Variants in LRP1B observed in about 807,000 individuals in gnomAD.
LRP1B encodes low-density lipoprotein receptor-related protein 1B.
A neutral mutation model predicts 556.6 loss-of-function variants in LRP1B; 217 were observed. That is an observed-to-expected ratio of 0.39 (90% CI 0.35 to 0.44). LRP1B has a LOEUF of 0.44. Among genes scored for constraint, LRP1B ranks in the 20% least tolerant of loss-of-function variants. The pLI is 1.00. For missense variants in LRP1B, 5,053 were observed against 5,620.8 expected (o/e 0.90, Z 3.23); for synonymous variants, 2,047 against 1,865.8 (o/e 1.10, Z -2.50).
At chr2:140,541,317 G>A (rs1680125788) in intron 44 of LRP1B, among the ~76,000 whole-genome samples, 1 of 151,988 alleles carries the variant, frequency 6.6e-6, no homozygotes, top group Non-Finnish European at 1.5e-5. Flanking sequence ...TGATACCACG[G>A]CATCAAATGA....
intron 1 of LRP1B, among the ~76,000 whole-genome samples, chr2:142,075,029 A>C (rs1705448572): frequency 1.3e-5 from 2 of 152,114 alleles, no homozygotes; most frequent in Admixed American, 1.3e-4. Context: ...TCACCATTCC[A>C]AAAGCTTAAA....
chr2:140,411,821 C>G (rs1024912931), intron 66 of LRP1B, among the ~76,000 whole-genome samples: 4 of 152,064 alleles, frequency 2.6e-5, no homozygotes, highest in Non-Finnish European at 2.9e-5. Context: ...CTCAGTTAAC[C>G]TTAACTATCT....
intron 2 of LRP1B, among the ~76,000 whole-genome samples, chr2:141,535,086 C>T (rs1250383792): frequency 6.6e-6 from 1 of 152,158 alleles, no homozygotes; most frequent in Non-Finnish European, 1.5e-5. Context: ...ACTTCCCAAT[C>T]ACTTTTGTGA....
At chr2:141,544,788 C>A (rs1685494673) in intron 2 of LRP1B, among the ~76,000 whole-genome samples, 1 of 151,976 alleles carries the variant, frequency 6.6e-6, no homozygotes, top group South Asian at 2.1e-4. Context: ...ACCTCAGCCT[C>A]CAGGGTAGCT....
chr2:141,444,114 T>C (rs1022180292), intron 3 of LRP1B, among the ~76,000 whole-genome samples: 6 of 152,158 alleles, frequency 3.9e-5, no homozygotes, highest in African/African-American at 1.2e-4. Context: ...CCTTGAGCAG[T>C]GGTTTGTTTT....
intron 23 of LRP1B, among the ~76,000 whole-genome samples, chr2:140,891,559 A>T (rs1693799788): frequency 6.6e-6 from 1 of 152,170 alleles, no homozygotes; most frequent in African/African-American, 2.4e-5. Context: ...CTGTCCCATC[A>T]TCAGATACAT....
intron 40 of LRP1B, 136 bp from the exon 41 acceptor site, chr2:140,700,757 T>TA (rs66521227): frequency 0.17 from 144,866 of 855,854 alleles, 14,422 homozygotes; most frequent in African/African-American, 0.34. Flanking sequence ...AGCTGGTCAA[T>TA]AAAAAATTAA....
chr2:140,732,035 T>C (rs1297956377), intron 35 of LRP1B, among the ~76,000 whole-genome samples: 1 of 152,124 alleles, frequency 6.6e-6, no homozygotes, highest in Non-Finnish European at 1.5e-5. Flanking sequence ...CCAAAAGATA[T>C]AGTATTGTCT....
At chr2:141,933,629 G>A (rs1298012663) in intron 1 of LRP1B, among the ~76,000 whole-genome samples, 3 of 152,084 alleles carry the variant, frequency 2.0e-5, no homozygotes, top group East Asian at 1.9e-4. Context: ...TCACTAGCCT[G>A]CTCTGGCTAC....
At chr2:141,917,651 G>T (rs923681434) in intron 1 of LRP1B, among the ~76,000 whole-genome samples, 2 of 152,194 alleles carry the variant, frequency 1.3e-5, no homozygotes, top group East Asian at 3.8e-4. Context: ...ATTAGTCAAA[G>T]ATCCAATTCG....
At chr2:141,432,950 A>G (rs187913410) in intron 3 of LRP1B, among the ~76,000 whole-genome samples, 45 of 151,996 alleles carry the variant, frequency 3.0e-4, no homozygotes, top group African/African-American at 9.9e-4. Context: ...TTAGTTTGCT[A>G]CCATTTTCTG....
At chr2:142,047,550 G>A (rs1704304564) in intron 1 of LRP1B, among the ~76,000 whole-genome samples, 1 of 151,604 alleles carries the variant, frequency 6.6e-6, no homozygotes, top group Non-Finnish European at 1.5e-5. Flanking sequence ...TTTAATGTCA[G>A]AAATAAACTC....
In LRP1B at chr2:141,211,350, G is replaced by A. The variant is rs192516022; in HGVS notation, c.850+17833C>T. Among the ~76,000 whole-genome samples, 151 of 150,826 alleles carry A rather than the reference G, an allele frequency of 1.0e-3. 1 individual carries two copies. The highest frequency in any genetic ancestry group is 1.6e-3 in the Non-Finnish European group (111 of 67,788). On this transcript the variant is annotated intron_variant, in intron 6 of 90. Transcript: ENST00000389484. ...AAACTAAGCATTCAGGGCCGGGCAC[G>A]GTGCCTCATGCCTGTAATCCCAGCA... is the stretch of plus-strand genomic sequence containing the variant.
intron 83 of LRP1B, among the ~76,000 whole-genome samples, chr2:140,301,352 C>T (rs191563747): frequency 1.4e-4 from 21 of 152,018 alleles, no homozygotes; most frequent in Admixed American, 4.6e-4. Flanking sequence ...AGCTTCTAAA[C>T]ATGCTCAATT....
intron 3 of LRP1B, among the ~76,000 whole-genome samples, chr2:141,308,873 A>C (rs1476451249): frequency 1.3e-5 from 2 of 152,146 alleles, no homozygotes; most frequent in Non-Finnish European, 2.9e-5. Context: ...ACTAAAATAA[A>C]TTTTATTTAT....
chr2:141,722,733 G>GATAGATAA (rs1158672848), intron 2 of LRP1B, among the ~76,000 whole-genome samples: 12 of 80,634 alleles, frequency 1.5e-4, no homozygotes, highest in African/African-American at 4.7e-4. Flanking sequence ...TAGATACATA[G>GATAGATAA]ATAGATAGAT....
chr2:140,867,362 C>A (rs986717618), intron 27 of LRP1B, among the ~76,000 whole-genome samples: 2 of 151,706 alleles, frequency 1.3e-5, no homozygotes, highest in African/African-American at 2.4e-5. Flanking sequence ...ACAGGGGCAT[C>A]TTAGGAATTA....
At chr2:141,660,747 G>C (rs1437425297) in intron 2 of LRP1B, among the ~76,000 whole-genome samples, 4 of 152,110 alleles carry the variant, frequency 2.6e-5, no homozygotes, top group African/African-American at 9.7e-5. Context: ...TCTTTCCCCT[G>C]CTGGCTCTGA....
chr2:140,523,402 G>A (rs1690267923), intron 49 of LRP1B, among the ~76,000 whole-genome samples: 1 of 151,728 alleles, frequency 6.6e-6, no homozygotes, highest in African/African-American at 2.4e-5. Flanking sequence ...AGAGCCATCT[G>A]TGACAAGCCC....
Sources: allele counts gnomAD v4.1 joint callset (sites outside exome capture counted in the v4.1 genomes callset), GRCh38; gene constraint gnomAD v4.1.1; transcripts MANE v1.5; gene names NCBI Gene and HGNC (gene_info 2026-07-23, HGNC 2026-07-21).